The following AAK1 variants were observed in gnomAD, a reference collection of about 807,000 sequenced individuals.
The protein encoded by AAK1 is AP2 associated kinase 1, also known as AP2-associated protein kinase 1.
In AAK1, 37 loss-of-function variants were observed where a neutral mutation model predicts 116.0. The ratio of observed to expected loss-of-function variants is 0.32; its 90% confidence interval spans 0.25 to 0.42. AAK1 has a LOEUF of 0.42. Among genes scored for constraint, AAK1 ranks in the 10% least tolerant of loss-of-function variants. The pLI is 1.00. For synonymous variants in AAK1, 458 were observed against 439.9 expected (o/e 1.04, Z -0.51); for missense variants, 919 against 1,170.6 (o/e 0.79, Z 3.14).
intron 2 of AAK1, among the ~76,000 whole-genome samples, chr2:69,636,652 G>A (rs1286270479): frequency 6.6e-6 from 1 of 151,938 alleles, no homozygotes; most frequent in Admixed American, 6.6e-5. Context: ...CAATCAAAAT[G>A]TGGCTAGTGC....
intron 17 of AAK1, among the ~76,000 whole-genome samples, chr2:69,486,333 C>T (rs565619180): frequency 2.0e-5 from 3 of 152,180 alleles, no homozygotes; most frequent in African/African-American, 7.2e-5. Flanking sequence ...TGAGTGTACA[C>T]GTGTTGTGTG....
intron 2 of AAK1, among the ~76,000 whole-genome samples, chr2:69,639,186 A>G (rs1034384033): frequency 3.9e-5 from 6 of 152,206 alleles, no homozygotes; most frequent in Non-Finnish European, 7.4e-5. Context: ...TTATAGTTCC[A>G]GAATGTTGTC....
At chr2:69,640,328 T>C (rs1331656231) in intron 2 of AAK1, among the ~76,000 whole-genome samples, 1 of 152,118 alleles carries the variant, frequency 6.6e-6, no homozygotes, top group South Asian at 2.1e-4. Context: ...GTGATAAGTA[T>C]GCCCCACTTT....
intron 2 of AAK1, among the ~76,000 whole-genome samples, chr2:69,612,976 C>T (rs1674155399): frequency 6.6e-6 from 1 of 152,194 alleles, no homozygotes; most frequent in Admixed American, 6.5e-5. Flanking sequence ...AGCAGTTTAG[C>T]CATGTGAAAT....
At chr2:69,521,075 A>G (rs1669756797) in intron 10 of AAK1, 87 bp from the exon 11 acceptor site, 4 of 1,430,030 alleles carry the variant, frequency 2.8e-6, no homozygotes, top group Non-Finnish European at 2.9e-6. Flanking sequence ...CCGCTTCCAC[A>G]TCGACCCAAA....
intron 5 of AAK1, among the ~76,000 whole-genome samples, chr2:69,540,618 GA>G (rs1670669492): frequency 6.6e-6 from 1 of 152,230 alleles, no homozygotes; most frequent in South Asian, 2.1e-4. Context: ...TGTTGGTAAA[GA>G]TGTGGAGAAA....
In AAK1 at chr2:69,465,462, A is replaced by G. The variant is rs1674455571; in HGVS notation, c.*10407T>C. 2 of 1,290,762 alleles carry G rather than the reference A, an allele frequency of 1.5e-6. No homozygotes were observed. Among genetic ancestry groups the G allele is most frequent in the African/African-American group, 1.5e-5 (1 of 65,860 alleles). 80.0% of individuals were successfully genotyped at this position (1,290,762 alleles called of 1,614,324 possible). A position where few individuals can be genotyped will look rare whatever the true frequency, so the allele number is the denominator to read the frequency against. On this transcript the variant is annotated 3_prime_UTR_variant, in exon 22 of 22. Coordinates refer to ENST00000409085, the MANE Select transcript of AAK1 (RefSeq NM_014911.5). ...GCCTGATTTTGAAGGGAAGGGTGCT[A>G]GAGCAAATGGATCAGCAGCTGGCAG...
At chr2:69,600,264 C>A (rs1216577764) in intron 2 of AAK1, among the ~76,000 whole-genome samples, 1 of 149,574 alleles carries the variant, frequency 6.7e-6, no homozygotes, top group African/African-American at 2.5e-5. Context: ...GACTGAAGAT[C>A]CAAGTTGCAT....
In AAK1 at chr2:69,464,898, G is replaced by A; in HGVS notation, c.*10971C>T. 6.4e-6 allele frequency: 1 copy of A among 155,892 alleles called. No individual in the cohort carries two copies. The highest frequency in any genetic ancestry group is 1.4e-5 in the Non-Finnish European group (1 of 70,576). The allele number at this position is 155,892 out of a possible 1,614,324, so 9.7% of individuals were successfully genotyped here. A position where few individuals can be genotyped will look rare whatever the true frequency, so the allele number is the denominator to read the frequency against. ...CTACAGGAATTATTAGTAACTGCAGGATTATACTTCCTGTTGATGTGCAGG... is the reference window on the plus strand; with the variant it reads ...CTACAGGAATTATTAGTAACTGCAGAATTATACTTCCTGTTGATGTGCAGG... On this transcript the variant is annotated 3_prime_UTR_variant, in exon 22 of 22. Transcript: ENST00000409085.
chr2:69,506,776 T>C (rs76565226), intron 15 of AAK1, among the ~76,000 whole-genome samples: 6 of 152,188 alleles, frequency 3.9e-5, no homozygotes, highest in African/African-American at 1.4e-4. Flanking sequence ...CTTATCTACA[T>C]TGAGAGTACT....
At chr2:69,539,558 C>A (rs1220856502) in intron 5 of AAK1, among the ~76,000 whole-genome samples, 1 of 152,204 alleles carries the variant, frequency 6.6e-6, no homozygotes, top group Non-Finnish European at 1.5e-5. Flanking sequence ...GTTTTGGTAC[C>A]ACTGCCTGTT....
At chr2:69,570,041 G>A (rs762816735) in intron 2 of AAK1, among the ~76,000 whole-genome samples, 2 of 152,122 alleles carry the variant, frequency 1.3e-5, no homozygotes, top group Non-Finnish European at 2.9e-5. Flanking sequence ...ATAAGAAAGT[G>A]ACAGAGCTTT....
intron 2 of AAK1, among the ~76,000 whole-genome samples, chr2:69,589,474 C>T (rs1006064614): frequency 7.9e-5 from 12 of 151,656 alleles, no homozygotes; most frequent in Non-Finnish European, 1.8e-4. Flanking sequence ...TTTGGGAGGC[C>T]GAGGCAGGCA....
chr2:69,623,428 C>T (rs996386604), intron 2 of AAK1, among the ~76,000 whole-genome samples: 6 of 152,192 alleles, frequency 3.9e-5, no homozygotes, highest in South Asian at 4.1e-4. Flanking sequence ...ATGTCAACAG[C>T]CTCGTAGATG....
intron 2 of AAK1, among the ~76,000 whole-genome samples, chr2:69,599,912 G>C (rs1298761302): frequency 2.0e-5 from 3 of 151,726 alleles, no homozygotes; most frequent in Non-Finnish European, 2.9e-5. Flanking sequence ...TGAATAGTTG[G>C]AACTACAAGT....
In AAK1 at chr2:69,532,025, A is replaced by C; in HGVS notation, c.656+16T>G. ...CTGATTGTGGACAAAACTCCATGAA[A>C]GGAGAAAAAGCTTACTTCTTAATCT... On this transcript the variant is annotated intron_variant, in intron 6 of 21. Transcript: ENST00000409085. The C allele has an allele frequency of 6.2e-7, 1 of 1,612,348 alleles. No homozygotes were observed. The highest frequency in any genetic ancestry group is 8.5e-7 in the Non-Finnish European group (1 of 1,178,646).
At chr2:69,599,413 T>C (rs770854540) in intron 2 of AAK1, among the ~76,000 whole-genome samples, 2 of 150,820 alleles carry the variant, frequency 1.3e-5, no homozygotes, top group Non-Finnish European at 3.0e-5. Flanking sequence ...ACTGAAATTA[T>C]ACCAAACAAA....
Position 69,514,651 on chromosome 2 carries a change from G to C in AAK1, c.1596C>G (p.Tyr532Ter). Residue 532 changes from tyrosine to a stop codon, truncating the protein, a stop_gained, in exon 13 of 22, where the codon TAC (tyrosine) becomes TAG (stop). Coordinates refer to ENST00000409085, the MANE Select transcript of AAK1 (RefSeq NM_014911.5). LOFTEE classifies it high-confidence loss of function. ...GSQQQLMQNF[Y>*]QQQQQQQQQQ... ...GTTGTTGCTGCTGCTGCTGCTGCTG[G>C]TAGAAATTCTGCATTAGCTGCTGTT... The C allele has an allele frequency of 6.2e-7, 1 of 1,612,596 alleles. No homozygotes were observed. The highest frequency in any genetic ancestry group is 8.5e-7 in the Non-Finnish European group (1 of 1,179,454).
At chr2:69,478,757 C>A in intron 20 of AAK1, 194 bp downstream of exon 20, 1 of 484,944 alleles carries the variant, frequency 2.1e-6, no homozygotes, top group South Asian at 2.3e-5. Flanking sequence ...ACTGGCCGGT[C>A]GTCTAAGTCT....
Sources: gnomAD v4.1 joint callset for allele counts (sites outside exome capture counted in the v4.1 genomes callset) on GRCh38, gnomAD v4.1.1 for gene constraint, MANE v1.5 for transcripts, NCBI Gene and HGNC (gene_info 2026-07-23, HGNC 2026-07-21) for gene names.